Variants in POLR2I observed in about 807,000 individuals in gnomAD.
POLR2I encodes the protein RNA polymerase II subunit I.
POLR2I carries 15 observed loss-of-function variants against 23.0 expected under a neutral mutation model. The observed-to-expected ratio is 0.65, with a 90% CI of 0.44 to 1.00. The LOEUF is 1.00. POLR2I is among the 50% of genes least tolerant of loss of function. POLR2I has a pLI of 0.00. For synonymous variants in POLR2I, 72 were observed against 65.4 expected, an observed-to-expected ratio of 1.10 and a Z score of -0.49; for missense variants, 120 against 173.7, an observed-to-expected ratio of 0.69 and a Z score of 1.74.
chr19:36,114,676 G>T lies in POLR2I; in HGVS notation c.97C>A (p.Arg33Ser). ...MLYPKEDKEN[R>S]ILLYACRNCD... ...GCGCTCACCGCGTAGAGCAGAATGC[G>T]GTTCTCCTTGTCTTCCTTGGGGTAC... is the stretch of plus-strand genomic sequence containing the variant. Residue 33 changes from arginine to serine, a missense_variant, in exon 2 of 6, where the codon CGC (arginine) becomes AGC (serine). Coordinates refer to ENST00000221859, the MANE Select transcript of POLR2I (RefSeq NM_006233.5). This position sits in a 1 kb window ranked among gnomAD's most constrained non-coding sequence, Gnocchi z 4.5. 6.2e-7 allele frequency: 1 copy of T among 1,610,408 alleles called. No homozygotes were observed. The highest frequency in any genetic ancestry group is 1.1e-5 in the South Asian group (1 of 90,980).
rs755856375 is a variant in POLR2I, at chr19:36,113,836, G to A, written c.316-19C>T. The A allele has an allele frequency of 5.6e-6, 9 of 1,612,192 alleles. No homozygotes were observed. Among genetic ancestry groups the A allele is most frequent in the Non-Finnish European group, 5.1e-6 (6 of 1,179,570 alleles). On this transcript the variant is annotated intron_variant, in intron 5 of 5. Transcript: ENST00000221859. ...TGGCGTCCTGGCAGAAATGATGCATGGTTAGGAAGGATTTGGACCCAGCAG... is the reference window on the plus strand; with the variant it reads ...TGGCGTCCTGGCAGAAATGATGCATAGTTAGGAAGGATTTGGACCCAGCAG...
chr19:36,114,703 G>A lies in POLR2I; in HGVS notation c.70C>T (p.Leu24=), dbSNP rs1392262374. 7 of 1,612,978 alleles carry A rather than the reference G, an allele frequency of 4.3e-6. No homozygotes were observed. In the Admixed American group the frequency reaches 1.2e-4, roughly 27 times the overall value. The change falls in exon 2 of 6, where the codon CTG becomes TTG. Residue 24 remains leucine (L), a synonymous_variant. Transcript: ENST00000221859. The surrounding 1 kb of genome is among the most constrained non-coding windows in gnomAD (Gnocchi z 4.5). The part of the protein sequence containing the change: ...IRFCQECNNM[L]YPKEDKENRI... ...TTCTCCTTGTCTTCCTTGGGGTACA[G>A]CATGTTGTTACTGTGGGGAGGGGGA...
Position 36,114,502 on chromosome 19 carries a change from G to A in POLR2I, c.115-90C>T. On this transcript the variant is annotated intron_variant, in intron 2 of 5. Transcript: ENST00000221859. This position sits in a 1 kb window ranked among gnomAD's most constrained non-coding sequence, Gnocchi z 4.5. The stretch of plus-strand genomic sequence containing the variant: ...AGGGCAGGGTGATCCCGGAGGATAT[G>A]ACGACAGGACTCTCTTTGGGGATGG... 19 of 1,365,870 alleles carry A rather than the reference G, an allele frequency of 1.4e-5. No homozygotes were observed. Among genetic ancestry groups the A allele is most frequent in the Middle Eastern group, 3.6e-4 (2 of 5,526 alleles). The allele number at this position is 1,365,870 out of a possible 1,614,324, so 84.6% of individuals were successfully genotyped here. A position where few individuals can be genotyped will look rare whatever the true frequency, so the allele number is the denominator to read the frequency against.
Position 36,114,678 on chromosome 19 carries a change from T to C in POLR2I, c.95A>G (p.Asn32Ser). Residue 32 changes from asparagine (N) to serine (S), a missense_variant, in exon 2 of 6, where the codon AAC becomes AGC. Coordinates refer to ENST00000221859, the MANE Select transcript of POLR2I (RefSeq NM_006233.5). This position sits in a 1 kb window ranked among gnomAD's most constrained non-coding sequence, Gnocchi z 4.5. ...NMLYPKEDKENRILLYACRNC... is the reference protein window; with the variant it reads ...NMLYPKEDKESRILLYACRNC... ...GCTCACCGCGTAGAGCAGAATGCGGTTCTCCTTGTCTTCCTTGGGGTACAG... is the reference window on the plus strand; with the variant it reads ...GCTCACCGCGTAGAGCAGAATGCGGCTCTCCTTGTCTTCCTTGGGGTACAG... The C allele has an allele frequency of 6.2e-7, 1 of 1,610,580 alleles. No individual in the cohort carries two copies. Among genetic ancestry groups the C allele is most frequent in the Non-Finnish European group, 8.5e-7 (1 of 1,177,102 alleles).
chr19:36,113,912 C>G (rs1474413798), intron 5 of POLR2I, 95 bp from the exon 6 acceptor site: 3 of 1,576,464 alleles, frequency 1.9e-6, no homozygotes, highest in Non-Finnish European at 2.6e-6. Context: ...AGGTAAGGGC[C>G]CGGCAGAGTT....
intron 5 of POLR2I, 86 bp downstream of exon 5, chr19:36,113,929 A>T (rs1385343702): frequency 3.2e-5 from 50 of 1,575,900 alleles, no homozygotes; most frequent in Non-Finnish European, 4.4e-5. Flanking sequence ...AGTTCCAAGA[A>T]GCGCAGGGTC....
intron 5 of POLR2I, 76 bp downstream of exon 5, chr19:36,113,939 C>A (rs1340743359): frequency 6.3e-7 from 1 of 1,578,568 alleles, no homozygotes; most frequent in South Asian, 1.1e-5. Flanking sequence ...AGCGCAGGGT[C>A]ACCCACATTG....
rs1407215379 is a variant in POLR2I, at chr19:36,114,831, G to A, written c.26C>T (p.Pro9Leu). 4.3e-6 allele frequency: 7 copies of A among 1,614,068 alleles called. No individual in the cohort carries two copies. The highest frequency in any genetic ancestry group is 1.1e-5 in the South Asian group (1 of 91,082). Residue 9 changes from proline to leucine, a missense_variant, in exon 1 of 6, where the codon CCG (proline) becomes CTG (leucine). Transcript: ENST00000221859. This position sits in a 1 kb window ranked among gnomAD's most constrained non-coding sequence, Gnocchi z 4.5. MEPDGTYE[P>L]GFVGIRFCQE... Reference sequence around the variant, plus strand: ...GCAGAAGCGAATACCCACGAAGCCCGGCTCGTAAGTCCCGTCGGGCTCCAT... The same window carrying A: ...GCAGAAGCGAATACCCACGAAGCCCAGCTCGTAAGTCCCGTCGGGCTCCAT...
rs776430794 is a variant in POLR2I at position 36,114,758 on chromosome 19, C to A, written c.59+40G>T. 1.2e-6 allele frequency: 2 copies of A among 1,613,916 alleles called. No homozygotes were observed. Among genetic ancestry groups the A allele is most frequent in the Non-Finnish European group, 1.7e-6 (2 of 1,179,776 alleles). On this transcript the variant is annotated intron_variant, in intron 1 of 5. Transcript: ENST00000221859. The surrounding 1 kb of genome is among the most constrained non-coding windows in gnomAD (Gnocchi z 4.5). ...CCAGGGGTTAGTTCTGGAGCCATTC[C>A]TCGCCCGCCTTCTAACATCACCCGC...
At position 36,114,533 on chromosome 19, in the gene POLR2I, A is replaced by G; in HGVS notation, c.115-121T>C. ...AGGACTCTCTTTGGGGATGGGCAGG[A>G]CATGAGAGTCAGGATCACTTGAGGT... On this transcript the variant is annotated intron_variant, in intron 2 of 5. Coordinates refer to ENST00000221859, the MANE Select transcript of POLR2I (RefSeq NM_006233.5). The surrounding 1 kb of genome is among the most constrained non-coding windows in gnomAD (Gnocchi z 4.5). 7.7e-7 allele frequency: 1 copy of G among 1,291,700 alleles called. No homozygotes were observed. Among genetic ancestry groups the G allele is most frequent in the Non-Finnish European group, 1.1e-6 (1 of 897,196 alleles). 80.0% of individuals were successfully genotyped at this position (1,291,700 alleles called of 1,614,324 possible).
chr19:36,113,954 C>A, intron 5 of POLR2I, 61 bp downstream of exon 5: 1 of 1,594,874 alleles, frequency 6.3e-7, no homozygotes, highest in Non-Finnish European at 8.6e-7. Context: ...ACATTGATAT[C>A]CCCGCCCCCA....
chr19:36,114,476 G>GA lies in POLR2I; in HGVS notation c.115-65dup, dbSNP rs1973904959. ...AGGATTCCAGACAAGATTGGGAGGA[G>GA]AGGGCAGGGTGATCCCGGAGGATAT... On this transcript the variant is annotated intron_variant, in intron 2 of 5. Transcript: ENST00000221859. This position sits in a 1 kb window ranked among gnomAD's most constrained non-coding sequence, Gnocchi z 4.5. The GA allele has an allele frequency of 6.7e-7, 1 of 1,493,742 alleles. No homozygotes were observed. The highest frequency in any genetic ancestry group is 1.1e-5 in the South Asian group (1 of 88,612). The allele number at this position is 1,493,742 out of a possible 1,614,324, so 92.5% of individuals were successfully genotyped here. A position where few individuals can be genotyped will look rare whatever the true frequency, so the allele number is the denominator to read the frequency against.
chr19:36,113,959 C>T lies in POLR2I; in HGVS notation c.315+56G>A. ...AGGGTCACCCACATTGATATCCCCG[C>T]CCCCAGAAAGGACCAAACAAGCCCC... On this transcript the variant is annotated intron_variant, in intron 5 of 5. Coordinates refer to ENST00000221859, the MANE Select transcript of POLR2I (RefSeq NM_006233.5). 4.4e-6 allele frequency: 7 copies of T among 1,597,756 alleles called. No individual in the cohort carries two copies. The South Asian group carries it at 6.6e-5, about 15-fold the overall frequency.
rs370131754 is a variant in POLR2I, at chr19:36,114,860, G to A, written c.-4C>T. On this transcript the variant is annotated 5_prime_UTR_variant, in exon 1 of 6. Coordinates refer to ENST00000221859, the MANE Select transcript of POLR2I (RefSeq NM_006233.5). The surrounding 1 kb of genome is among the most constrained non-coding windows in gnomAD (Gnocchi z 4.5). Reference sequence around the variant, plus strand: ...CGTAAGTCCCGTCGGGCTCCATGGCGACGCGCAGCCCGCGCAGCCCTCCCA... The same window carrying A: ...CGTAAGTCCCGTCGGGCTCCATGGCAACGCGCAGCCCGCGCAGCCCTCCCA... 1 of 1,613,112 alleles carries A rather than the reference G, an allele frequency of 6.2e-7. No individual in the cohort carries two copies. The highest frequency in any genetic ancestry group is 1.3e-5 in the African/African-American group (1 of 74,880).
chr19:36,113,972 C>T, intron 5 of POLR2I, 43 bp downstream of exon 5: 1 of 1,607,686 alleles, frequency 6.2e-7, no homozygotes, highest in Non-Finnish European at 8.5e-7. Flanking sequence ...CCAGAAAGGA[C>T]CAAACAAGCC....
Position 36,114,350 on chromosome 19 carries a change from C to A in POLR2I, c.177G>T (p.Thr59=), listed in dbSNP as rs758606909. ...DNSCIYVNKI[T]HEVDELTQII... Reference sequence around the variant, plus strand: ...GGCCCGCCACTCACTCCACTTCGTGCGTGATCTTGTTGACATAGATGCAGC... The same window carrying A: ...GGCCCGCCACTCACTCCACTTCGTGAGTGATCTTGTTGACATAGATGCAGC... The change falls in exon 3 of 6, where the codon ACG becomes ACT. Residue 59 remains threonine, a synonymous_variant. Coordinates refer to ENST00000221859, the MANE Select transcript of POLR2I (RefSeq NM_006233.5). This position sits in a 1 kb window ranked among gnomAD's most constrained non-coding sequence, Gnocchi z 4.5. The A allele has an allele frequency of 3.1e-6, 5 of 1,613,914 alleles. No homozygotes were observed. Among genetic ancestry groups the A allele is most frequent in the Non-Finnish European group, 4.2e-6 (5 of 1,179,944 alleles).
chr19:36,114,391 G>A lies in POLR2I; in HGVS notation c.136C>T (p.Gln46Ter). Residue 46 changes from glutamine to a stop codon, truncating the protein, a stop_gained, in exon 3 of 6, where the codon CAG becomes TAG. Transcript: ENST00000221859. LOFTEE classifies it high-confidence loss of function. The surrounding 1 kb of genome is among the most constrained non-coding windows in gnomAD (Gnocchi z 4.5). Reference sequence around the variant, plus strand: ...TAGATGCAGCTGTTGTCGGCCTCCTGCTGGTAATCACAGTTCCGGCACTAC... The same window carrying A: ...TAGATGCAGCTGTTGTCGGCCTCCTACTGGTAATCACAGTTCCGGCACTAC... The part of the protein sequence containing the change: ...LYACRNCDYQ[Q>*]EADNSCIYVN... 1 of 1,614,042 alleles carries A rather than the reference G, an allele frequency of 6.2e-7. No individual in the cohort carries two copies. The highest frequency in any genetic ancestry group is 1.1e-5 in the South Asian group (1 of 91,088).
At chr19:36,113,982 C>T in intron 5 of POLR2I, 33 bp downstream of exon 5, 2 of 1,612,208 alleles carry the variant, frequency 1.2e-6, no homozygotes, top group Non-Finnish European at 1.7e-6. Context: ...CCAAACAAGC[C>T]CCAGATACTT....
chr19:36,114,575 AG>A lies in POLR2I; in HGVS notation c.114+83del. 1 of 1,393,410 alleles carries A rather than the reference AG, an allele frequency of 7.2e-7. No homozygotes were observed. The highest frequency in any genetic ancestry group is 1.7e-5 in the Admixed American group (1 of 58,218). 86.3% of individuals were successfully genotyped at this position (1,393,410 alleles called of 1,614,324 possible). A position where few individuals can be genotyped will look rare whatever the true frequency, so the allele number is the denominator to read the frequency against. On this transcript the variant is annotated intron_variant, in intron 2 of 5. Coordinates refer to ENST00000221859, the MANE Select transcript of POLR2I (RefSeq NM_006233.5). The surrounding 1 kb of genome is among the most constrained non-coding windows in gnomAD (Gnocchi z 4.5). Reference sequence around the variant, plus strand: ...ACTTGAGGTGCAGCGGAGGGCGAACAGGGAGTCCGATCACAGAGGCAGGGGG... The same window carrying A: ...ACTTGAGGTGCAGCGGAGGGCGAACAGGAGTCCGATCACAGAGGCAGGGGG...
Sources: gnomAD v4.1 joint callset for allele counts on GRCh38, gnomAD v4.1.1 for gene constraint, Gnocchi (gnomAD v3.1) non-coding constraint, MANE v1.5 for transcripts, NCBI Gene and HGNC (gene_info 2026-07-23, HGNC 2026-07-21) for gene names.